The following DNAH17 variants were observed in gnomAD, a reference collection of about 807,000 sequenced individuals.
DNAH17 encodes the protein axonemal beta dynein heavy chain 17.
In DNAH17, 376 loss-of-function variants were observed where a neutral mutation model predicts 485.6. That is an observed-to-expected ratio of 0.77 (90% CI 0.71 to 0.84). DNAH17 has a LOEUF of 0.84. Ranked by LOEUF, DNAH17 falls within the 40% of genes least tolerant of loss-of-function variation. DNAH17 has a pLI of 0.00. For missense variants in DNAH17, 6,370 were observed against 5,839.3 expected (o/e 1.09, Z -2.96); for synonymous variants, 3,031 against 2,405.9 (o/e 1.26, Z -7.60).
intron 16 of DNAH17, 41 bp from the exon 17 acceptor site, chr17:78,544,038 A>G: frequency 6.2e-7 from 1 of 1,612,680 alleles, no homozygotes. Flanking sequence ...TGTTCTGGAG[A>G]AACTGCTTTC....
chr17:78,441,130 G>C lies in DNAH17; in HGVS notation c.11598C>G (p.Tyr3866Ter), dbSNP rs773026032. The C allele has an allele frequency of 1.2e-6, 2 of 1,613,928 alleles. No individual in the cohort carries two copies. The highest frequency in any genetic ancestry group is 1.6e-4 in the Middle Eastern group (1 of 6,062). ...EGRSVEFSKS[Y>*]EESSPSTSIF... ...TTGACGTGGAGGGGCTGCTCTCCTC[G>C]TAGGACTTAGAAAACTCAACACTCC... is the stretch of plus-strand genomic sequence containing the variant. The change falls in exon 72 of 81, where the codon TAC (tyrosine) becomes TAG (stop). Residue 3866 changes from tyrosine to a stop codon, truncating the protein, a stop_gained. Transcript: ENST00000389840. LOFTEE classifies it high-confidence loss of function.
At chr17:78,531,925 T>TC in intron 20 of DNAH17, among the ~76,000 whole-genome samples, 1 of 152,342 alleles carries the variant, frequency 6.6e-6, no homozygotes, top group Non-Finnish European at 1.5e-5. Flanking sequence ...GGACGACCCC[T>TC]CCCAGGCCTA....
intron 31 of DNAH17, 104 bp from the exon 32 acceptor site, chr17:78,503,115 T>A: frequency 7.7e-7 from 1 of 1,294,680 alleles, no homozygotes; most frequent in Non-Finnish European, 1.0e-6. Context: ...CTCATCATCC[T>A]CATCCCAGGG....
At chr17:78,533,329 GAGC>G (rs1263255739) in intron 19 of DNAH17, among the ~76,000 whole-genome samples, 3 of 152,204 alleles carry the variant, frequency 2.0e-5, no homozygotes, top group Admixed American at 6.5e-5. Flanking sequence ...GTGAAATGGG[GAGC>G]AGGTCAGGGA....
intron 34 of DNAH17, 191 bp downstream of exon 34, chr17:78,501,551 G>A (rs954705643): frequency 3.1e-5 from 30 of 976,208 alleles, no homozygotes; most frequent in Admixed American, 5.6e-5. Context: ...GGCGGGCACC[G>A]CTCATCTGAC....
intron 33 of DNAH17, chr17:78,502,301 A>T: frequency 2.8e-6 from 1 of 355,706 alleles, no homozygotes; most frequent in Non-Finnish European, 5.1e-6. Flanking sequence ...CCATATTTCT[A>T]ACCAAGGACA....
Position 78,486,507 on chromosome 17 carries a change from C to A in DNAH17, c.6819-1G>T. Reference sequence around the variant, plus strand: ...CCTCTCGATCCAGCTGCTCACCACCCTGGGGGTGACAGGAGGCGCCGATGA... The same window carrying A: ...CCTCTCGATCCAGCTGCTCACCACCATGGGGGTGACAGGAGGCGCCGATGA... On this transcript the variant is annotated splice_acceptor_variant, in intron 44 of 80. Coordinates refer to ENST00000389840, the MANE Select transcript of DNAH17 (RefSeq NM_173628.4). LOFTEE classifies it high-confidence loss of function. The A allele has an allele frequency of 6.3e-7, 1 of 1,597,412 alleles. No homozygotes were observed. The highest frequency in any genetic ancestry group is 8.6e-7 in the Non-Finnish European group (1 of 1,169,452).
rs866816026 is a variant in DNAH17 at position 78,560,948 on chromosome 17, C to G, written c.1836-13G>C. 2 of 1,543,606 alleles carry G rather than the reference C, an allele frequency of 1.3e-6. No homozygotes were observed. The highest frequency in any genetic ancestry group is 8.7e-7 in the Non-Finnish European group (1 of 1,144,860). On this transcript the variant is annotated splice_polypyrimidine_tract_variant and intron_variant, in intron 12 of 80. Coordinates refer to ENST00000389840, the MANE Select transcript of DNAH17 (RefSeq NM_173628.4). Reference sequence around the variant, plus strand: ...TCCAGACATGACCCTGGAATCAGAGCGGGAAGGCGAGGCCCCACTGGATAT... The same window carrying G: ...TCCAGACATGACCCTGGAATCAGAGGGGGAAGGCGAGGCCCCACTGGATAT...
chr17:78,554,537 T>A (rs80273249), intron 14 of DNAH17, among the ~76,000 whole-genome samples: 46,494 of 147,404 alleles, frequency 0.32, 8,644 homozygotes, highest in Non-Finnish European at 0.41. Context: ...ATGCTTGAAA[T>A]CCTGAATTTA....
chr17:78,428,804 A>AC, intron 76 of DNAH17, 97 bp from the exon 77 acceptor site: 1 of 1,423,950 alleles, frequency 7.0e-7, no homozygotes, highest in Non-Finnish European at 9.8e-7. Flanking sequence ...GTTCACCCAC[A>AC]CCTTGCTGTC....
intron 55 of DNAH17, among the ~76,000 whole-genome samples, chr17:78,467,281 A>T (rs1277179830): frequency 6.6e-6 from 1 of 152,210 alleles, no homozygotes; most frequent in Admixed American, 6.5e-5. Context: ...CTCTGGCTAG[A>T]TAAGGACCTC....
rs654154 is a variant in DNAH17, at chr17:78,485,428, T to C, written c.7483+122A>G. 0.084 allele frequency: 78,905 copies of C among 938,342 alleles called. 4,772 individuals are homozygous for C. The highest frequency in any genetic ancestry group is 0.27 in the African/African-American group (16,384 of 61,152). 58.1% of individuals were successfully genotyped at this position (938,342 alleles called of 1,614,324 possible). ...GAAGGAAAGGCCAGCGGGTGGGGCA[T>C]GGGAAGTGAGGAGGTGCAAAGTGGC... On this transcript the variant is annotated intron_variant, in intron 47 of 80. Transcript: ENST00000389840.
At chr17:78,570,522 A>C in intron 6 of DNAH17, 150 bp from the exon 7 acceptor site, 1 of 1,064,360 alleles carries the variant, frequency 9.4e-7, no homozygotes, top group Non-Finnish European at 1.3e-6. Flanking sequence ...AGGCCCACAC[A>C]TCTGATGGCA....
At chr17:78,424,284 G>A (rs936382867) in intron 80 of DNAH17, 131 bp from the exon 81 acceptor site, 15 of 1,187,930 alleles carry the variant, frequency 1.3e-5, no homozygotes, top group Non-Finnish European at 1.7e-5. Flanking sequence ...CTTCAGGCCA[G>A]CTGCCACGGC....
chr17:78,523,839 G>A (rs1178479286), intron 25 of DNAH17, among the ~76,000 whole-genome samples: 1 of 152,202 alleles, frequency 6.6e-6, no homozygotes, highest in Non-Finnish European at 1.5e-5. Context: ...AGCCCAGGAG[G>A]CAGAGGTTGC....
At chr17:78,471,731 G>A (rs2088761928) in intron 54 of DNAH17, among the ~76,000 whole-genome samples, 1 of 152,032 alleles carries the variant, frequency 6.6e-6, no homozygotes, top group Non-Finnish European at 1.5e-5. Context: ...CATATGGAGT[G>A]GCCCTTACCC....
chr17:78,427,227 C>T, intron 77 of DNAH17, 119 bp from the exon 78 acceptor site: 1 of 1,023,516 alleles, frequency 9.8e-7, no homozygotes, highest in Non-Finnish European at 1.4e-6. Flanking sequence ...AGGGAAGAGG[C>T]AAGTAGAGTT....
intron 16 of DNAH17, among the ~76,000 whole-genome samples, chr17:78,547,699 C>A (rs915995016): frequency 1.6e-4 from 24 of 151,298 alleles, no homozygotes; most frequent in Non-Finnish European, 2.8e-4. Flanking sequence ...CTCACTGCAA[C>A]CTCCACCTCC....
At chr17:78,503,072 TTTTG>T (rs1162636840) in intron 31 of DNAH17, 61 bp from the exon 32 acceptor site, 16 of 1,528,558 alleles carry the variant, frequency 1.0e-5, no homozygotes, top group African/African-American at 2.8e-5. Context: ...GTTCCAATAA[TTTTG>T]TTTGTATTTG....
Sources: allele counts gnomAD v4.1 joint callset (sites outside exome capture counted in the v4.1 genomes callset), GRCh38; gene constraint gnomAD v4.1.1; transcripts MANE v1.5; gene names NCBI Gene and HGNC (gene_info 2026-07-23, HGNC 2026-07-21).